ARHGEF10L: variants seen among roughly 807,000 people sequenced by gnomAD.
ARHGEF10L encodes the protein rho guanine nucleotide exchange factor 10-like protein.
A neutral mutation model predicts 141.2 loss-of-function variants in ARHGEF10L; 69 were observed. The ratio of observed to expected loss-of-function variants is 0.49; its 90% confidence interval spans 0.40 to 0.60. The LOEUF is 0.60. Among genes scored for constraint, ARHGEF10L ranks in the 20% least tolerant of loss-of-function variants. ARHGEF10L has a pLI of 0.00. For missense variants in ARHGEF10L, 1,482 were observed against 1,734.3 expected (o/e 0.85, Z 2.58); for synonymous variants, 711 against 718.5 (o/e 0.99, Z 0.17).
At chr1:17,662,908 C>T (rs1233596228) in intron 25 of ARHGEF10L, among the ~76,000 whole-genome samples, 1 of 152,128 alleles carries the variant, frequency 6.6e-6, no homozygotes, top group Non-Finnish European at 1.5e-5. Flanking sequence ...GGTAGCAGGG[C>T]TCTGACAAGC....
In ARHGEF10L at chr1:17,640,113, G is replaced by T; in HGVS notation, c.2172-89G>T. 3.3e-6 allele frequency: 5 copies of T among 1,517,596 alleles called. No individual in the cohort carries two copies. The South Asian group carries it at 3.8e-5, about 11-fold the overall frequency. The allele number at this position is 1,517,596 out of a possible 1,614,324, so 94.0% of individuals were successfully genotyped here. A position where few individuals can be genotyped will look rare whatever the true frequency, so the allele number is the denominator to read the frequency against. The stretch of plus-strand genomic sequence containing the variant: ...CAGACCTCCTTGATCTCCAGGGCGC[G>T]TGGGTTGGAGGAAGTACTACGTGAC... On this transcript the variant is annotated intron_variant, in intron 20 of 28. Coordinates refer to ENST00000361221, the MANE Select transcript of ARHGEF10L (RefSeq NM_018125.4).
Position 17,564,163 on chromosome 1 carries a change from G to A in ARHGEF10L, c.-43-16390G>A, listed in dbSNP as rs145467649. ...TGCTCTGGCCTGCACAGTGGGGCCC[G>A]TGTCTCAGGTCACCCCTGCCTGGGT... On this transcript the variant is annotated intron_variant, in intron 1 of 28. Transcript: ENST00000361221. Among the ~76,000 whole-genome samples the A allele has an allele frequency of 3.0e-3, 460 of 152,312 alleles. 3 individuals are homozygous for A. The highest frequency in any genetic ancestry group is 0.01 in the African/African-American group (425 of 41,564).
At chr1:17,608,760 C>G (rs538472350) in intron 7 of ARHGEF10L, among the ~76,000 whole-genome samples, 6 of 152,182 alleles carry the variant, frequency 3.9e-5, no homozygotes, top group Non-Finnish European at 8.8e-5. Context: ...GATGGCGTCC[C>G]TCTCAGGCTA....
chr1:17,672,455 C>G (rs1227974361), intron 26 of ARHGEF10L, among the ~76,000 whole-genome samples: 1 of 152,142 alleles, frequency 6.6e-6, no homozygotes, highest in Non-Finnish European at 1.5e-5. Context: ...CAGGCCCTCC[C>G]AGCGCCCAGG....
rs2061202506 is a variant in ARHGEF10L, at chr1:17,639,433, G to C, written c.2171+744G>C. ...AGCACAGTGGCTGCAAGGAAGAGAA[G>C]GTTGGAGCACTATCATTTGAGGTAG... On this transcript the variant is annotated intron_variant, in intron 20 of 28. Transcript: ENST00000361221. This position sits in a 1 kb window ranked among gnomAD's most constrained non-coding sequence, Gnocchi z 4.3. Among the ~76,000 whole-genome samples the C allele has an allele frequency of 6.6e-6, 1 of 152,230 alleles. No homozygotes were observed. Among genetic ancestry groups the C allele is most frequent in the Non-Finnish European group, 1.5e-5 (1 of 68,034 alleles).
chr1:17,603,379 C>T lies in ARHGEF10L; in HGVS notation c.350-129C>T. On this transcript the variant is annotated intron_variant, in intron 5 of 28. Transcript: ENST00000361221. The surrounding 1 kb of genome is among the most constrained non-coding windows in gnomAD (Gnocchi z 4.8). Reference sequence around the variant, plus strand: ...TGAGGGCAGCTGGCGGAGCTAAGGGCTGGGCTGGGCTATCAGAAAGGAGGG... The same window carrying T: ...TGAGGGCAGCTGGCGGAGCTAAGGGTTGGGCTGGGCTATCAGAAAGGAGGG... The T allele has an allele frequency of 1.6e-6, 1 of 633,750 alleles. No homozygotes were observed. Among genetic ancestry groups the T allele is most frequent in the Non-Finnish European group, 2.6e-6 (1 of 382,922 alleles). The allele number at this position is 633,750 out of a possible 1,614,324, so 39.3% of individuals were successfully genotyped here.
At position 17,635,033 on chromosome 1, in the gene ARHGEF10L, T is replaced by C; in HGVS notation, c.1927+17T>C. The C allele has an allele frequency of 6.2e-7, 1 of 1,613,524 alleles. No individual in the cohort carries two copies. Among genetic ancestry groups the C allele is most frequent in the South Asian group, 1.1e-5 (1 of 91,050 alleles). On this transcript the variant is annotated intron_variant, in intron 18 of 28. Coordinates refer to ENST00000361221, the MANE Select transcript of ARHGEF10L (RefSeq NM_018125.4). ...AGGCTCAGAGTGAGTACCCCCTCTC[T>C]GTGCCCTGCGTTCGTCACCCTCGCC... is the stretch of plus-strand genomic sequence containing the variant.
chr1:17,515,291 CTTTT>C, the ARHGEF10L span, among the ~76,000 whole-genome samples: 3 of 131,990 alleles, frequency 2.3e-5, no homozygotes, highest in Admixed American at 8.1e-5. Flanking sequence ...CTTTTTCTCT[CTTTT>C]TTTTTTTTTT....
chr1:17,607,040 G>A lies in ARHGEF10L; in HGVS notation c.434-762G>A, dbSNP rs2081245877. 6.6e-6 allele frequency among the ~76,000 whole-genome samples: 1 copy of A among 152,242 alleles called. No individual in the cohort carries two copies. Among genetic ancestry groups the A allele is most frequent in the Non-Finnish European group, 1.5e-5 (1 of 68,050 alleles). Reference sequence around the variant, plus strand: ...GGGCCAGCTGCGCCCCCTACTGGAAGATCCCAGGCTGCACGTGAAGTCAGA... The same window carrying A: ...GGGCCAGCTGCGCCCCCTACTGGAAAATCCCAGGCTGCACGTGAAGTCAGA... On this transcript the variant is annotated intron_variant, in intron 6 of 28. Coordinates refer to ENST00000361221, the MANE Select transcript of ARHGEF10L (RefSeq NM_018125.4). This position sits in a 1 kb window ranked among gnomAD's most constrained non-coding sequence, Gnocchi z 4.5.
At chr1:17,638,331 C>T (rs553057562) in intron 19 of ARHGEF10L, among the ~76,000 whole-genome samples, 4 of 152,188 alleles carry the variant, frequency 2.6e-5, no homozygotes, top group South Asian at 2.1e-4. Context: ...CTGGCTGCGA[C>T]GGCATGTCCC....
chr1:17,591,904 A>G (rs528334737), intron 4 of ARHGEF10L, among the ~76,000 whole-genome samples: 78 of 152,328 alleles, frequency 5.1e-4, no homozygotes, highest in African/African-American at 1.7e-3. Flanking sequence ...ACTATTGAAT[A>G]TGCCCATTTT....
At chr1:17,532,643 G>A in the ARHGEF10L span, among the ~76,000 whole-genome samples, 1 of 147,348 alleles carries the variant, frequency 6.8e-6, no homozygotes, top group South Asian at 2.2e-4. Context: ...TGCCCGGGCT[G>A]GAGTGAAGTG....
upstream of ARHGEF10L, among the ~76,000 whole-genome samples, chr1:17,538,685 G>T (rs1022772310): frequency 7.3e-6 from 1 of 137,664 alleles, no homozygotes; most frequent in Non-Finnish European, 1.5e-5. Context: ...TGACAAATAG[G>T]GAGTAGTTAA....
At chr1:17,590,325 C>T (rs534375191) in intron 4 of ARHGEF10L, among the ~76,000 whole-genome samples, 2 of 152,130 alleles carry the variant, frequency 1.3e-5, no homozygotes, top group African/African-American at 4.8e-5. Flanking sequence ...GGGAGAGTGG[C>T]GTCTAAGCAG....
At chr1:17,675,019 A>G (rs61193942) in intron 26 of ARHGEF10L, among the ~76,000 whole-genome samples, 12,635 of 152,204 alleles carry the variant, frequency 0.083, 1,452 homozygotes, top group African/African-American at 0.25. Flanking sequence ...GCTGTATCAT[A>G]TAAGTTCTTG....
intron 25 of ARHGEF10L, among the ~76,000 whole-genome samples, chr1:17,659,061 C>T (rs2062449223): frequency 6.6e-6 from 1 of 152,138 alleles, no homozygotes; most frequent in African/African-American, 2.4e-5. Context: ...GAGCTGTTTG[C>T]GAGGGCTCCA....
In ARHGEF10L at chr1:17,687,690, A is replaced by G. The variant is rs753080199; in HGVS notation, c.3127A>G (p.Thr1043Ala). ...GTSIRLFHTE[T>A]LEHLQEINIA... ...CTCCATCCGCCTCTTCCACACTGAG[A>G]CCCTGGAGCATCTGCAAGAGATCAA... is the stretch of plus-strand genomic sequence containing the variant. Residue 1043 changes from threonine (T) to alanine (A), a missense_variant, in exon 27 of 29, where the codon ACC (threonine) becomes GCC (alanine). Coordinates refer to ENST00000361221, the MANE Select transcript of ARHGEF10L (RefSeq NM_018125.4). 2 of 1,608,960 alleles carry G rather than the reference A, an allele frequency of 1.2e-6. No individual in the cohort carries two copies. The highest frequency in any genetic ancestry group is 2.2e-5 in the East Asian group (1 of 44,718).
At chr1:17,601,922 T>A (rs2080719145) in intron 4 of ARHGEF10L, among the ~76,000 whole-genome samples, 2 of 152,194 alleles carry the variant, frequency 1.3e-5, no homozygotes, top group Admixed American at 6.5e-5. Context: ...CATGCTCTTG[T>A]GAAGTGCCAG....
the ARHGEF10L span, among the ~76,000 whole-genome samples, chr1:17,531,376 T>G: frequency 6.6e-6 from 1 of 152,126 alleles, no homozygotes; most frequent in Non-Finnish European, 1.5e-5. Flanking sequence ...CTTTCGGGTC[T>G]CAGAAGATGT....
Sources: gnomAD v4.1 joint callset for allele counts (sites outside exome capture counted in the v4.1 genomes callset) on GRCh38, gnomAD v4.1.1 for gene constraint, Gnocchi (gnomAD v3.1) non-coding constraint, MANE v1.5 for transcripts, NCBI Gene and HGNC (gene_info 2026-07-23, HGNC 2026-07-21) for gene names.